Variants in DENND1A observed in about 807,000 individuals in gnomAD.
DENND1A encodes DENN domain-containing protein 1A.
A neutral mutation model predicts 113.7 loss-of-function variants in DENND1A; 51 were observed. That is an observed-to-expected ratio of 0.45 (90% CI 0.36 to 0.57). DENND1A has a LOEUF of 0.57. Among genes scored for constraint, DENND1A ranks in the 20% least tolerant of loss-of-function variants. The pLI is 0.00. For missense variants in DENND1A, 1,258 were observed against 1,395.9 expected (o/e 0.90, Z 1.57); for synonymous variants, 565 against 570.8 (o/e 0.99, Z 0.14).
At chr9:123,589,164 G>A (rs57594849) in intron 11 of DENND1A, among the ~76,000 whole-genome samples, 5,970 of 152,098 alleles carry the variant, frequency 0.039, 416 homozygotes, top group African/African-American at 0.14. Flanking sequence ...TACTAACTGC[G>A]ACAGAGTGCC....
intron 13 of DENND1A, among the ~76,000 whole-genome samples, chr9:123,476,900 G>A (rs2049960681): frequency 6.6e-6 from 1 of 152,192 alleles, no homozygotes; most frequent in Non-Finnish European, 1.5e-5. Flanking sequence ...GCCTGACCCA[G>A]ACGGTAGCAT....
At chr9:123,661,341 G>A (rs544129979) in intron 8 of DENND1A, among the ~76,000 whole-genome samples, 20 of 152,292 alleles carry the variant, frequency 1.3e-4, no homozygotes, top group African/African-American at 4.8e-4. Flanking sequence ...GTACAGTTGA[G>A]GACGGGCAAT....
rs374520974 is a variant in DENND1A, at chr9:123,875,661, T to G, written c.88+3290A>C. ...TTAGACCTAGGGATGTATACACCAGTAGCATAGTCCACTCCCAGGAGGACA... is the reference window on the plus strand; with the variant it reads ...TTAGACCTAGGGATGTATACACCAGGAGCATAGTCCACTCCCAGGAGGACA... On this transcript the variant is annotated intron_variant, in intron 2 of 23. Coordinates refer to ENST00000394215, the MANE Select transcript of DENND1A (RefSeq NM_001352964.2). Among the ~76,000 whole-genome samples the G allele has an allele frequency of 4.1e-4, 62 of 152,222 alleles. No homozygotes were observed. The East Asian group carries it at 0.011, about 27-fold the overall frequency.
chr9:123,647,748 T>C (rs570882137), intron 9 of DENND1A, among the ~76,000 whole-genome samples: 1 of 152,338 alleles, frequency 6.6e-6, no homozygotes, highest in East Asian at 1.9e-4. Context: ...TCATTTTCAT[T>C]GATCCGATCG....
intron 19 of DENND1A, among the ~76,000 whole-genome samples, chr9:123,420,327 A>G (rs896188373): frequency 6.6e-6 from 1 of 152,224 alleles, no homozygotes; most frequent in African/African-American, 2.4e-5. Context: ...GGTAGGACGC[A>G]GAGAGGTCGG....
At chr9:123,609,354 G>C (rs2060309752) in intron 11 of DENND1A, 82 bp downstream of exon 11, 2 of 1,487,820 alleles carry the variant, frequency 1.3e-6, no homozygotes, top group Non-Finnish European at 1.9e-6. Context: ...AGCTGTGACT[G>C]CTGAGACTGG....
chr9:123,652,754 G>A (rs1047289949), intron 8 of DENND1A, among the ~76,000 whole-genome samples: 4 of 152,108 alleles, frequency 2.6e-5, no homozygotes, highest in African/African-American at 9.7e-5. Flanking sequence ...CAATTTCCAG[G>A]TATTTCACTC....
intron 8 of DENND1A, chr9:123,652,360 C>T (rs2062704616): frequency 4.7e-6 from 2 of 424,886 alleles, no homozygotes; most frequent in East Asian, 4.3e-5. Flanking sequence ...GTGGTGATTA[C>T]AACATGAGGT....
At chr9:123,725,513 T>C (rs1010788699) in intron 5 of DENND1A, among the ~76,000 whole-genome samples, 2 of 152,138 alleles carry the variant, frequency 1.3e-5, no homozygotes, top group Non-Finnish European at 2.9e-5. Flanking sequence ...AGATGGAAAA[T>C]ATTAAGGAAA....
At chr9:123,567,928 T>C (rs957877111) in intron 12 of DENND1A, among the ~76,000 whole-genome samples, 2 of 152,206 alleles carry the variant, frequency 1.3e-5, no homozygotes, top group African/African-American at 4.8e-5. Context: ...AACAGTAGGT[T>C]GCTTGGGGCA....
At chr9:123,824,618 A>G (rs1195737444) in intron 2 of DENND1A, among the ~76,000 whole-genome samples, 1 of 152,192 alleles carries the variant, frequency 6.6e-6, no homozygotes. Flanking sequence ...AGATGTCAAA[A>G]TAGCTATTTT....
chr9:123,676,419 G>C (rs1366599164), intron 6 of DENND1A, among the ~76,000 whole-genome samples: 1 of 152,086 alleles, frequency 6.6e-6, no homozygotes, highest in African/African-American at 2.4e-5. Context: ...CGGGCTGCTT[G>C]GGAATATTAG....
intron 1 of DENND1A, among the ~76,000 whole-genome samples, chr9:123,905,573 C>G (rs1311375833): frequency 7.2e-6 from 1 of 139,052 alleles, no homozygotes; most frequent in Non-Finnish European, 1.6e-5. Flanking sequence ...TCTGATAAAA[C>G]AGACTTTAAA....
At chr9:123,653,309 C>T (rs1285377179) in intron 8 of DENND1A, among the ~76,000 whole-genome samples, 1 of 152,202 alleles carries the variant, frequency 6.6e-6, no homozygotes, top group Non-Finnish European at 1.5e-5. Flanking sequence ...GTGCCAGCCA[C>T]TGTACCAGAC....
chr9:123,748,272 C>T (rs2069697293), intron 5 of DENND1A, among the ~76,000 whole-genome samples: 1 of 152,208 alleles, frequency 6.6e-6, no homozygotes, highest in African/African-American at 2.4e-5. Context: ...CACCCTTAGT[C>T]ATTATCAGCA....
chr9:123,855,357 G>A (rs1844003331), intron 2 of DENND1A, among the ~76,000 whole-genome samples: 1 of 148,592 alleles, frequency 6.7e-6, no homozygotes, highest in Non-Finnish European at 1.5e-5. Flanking sequence ...AGAAAAAAAT[G>A]GAGGATTAGA....
intron 1 of DENND1A, among the ~76,000 whole-genome samples, chr9:123,908,755 G>C (rs1015988529): frequency 3.3e-5 from 5 of 151,992 alleles, no homozygotes; most frequent in African/African-American, 9.7e-5. Flanking sequence ...TGGTGGGACT[G>C]TAAACTAGTT....
At chr9:123,717,168 T>C (rs1023446204) in intron 5 of DENND1A, among the ~76,000 whole-genome samples, 13 of 152,074 alleles carry the variant, frequency 8.5e-5, no homozygotes, top group African/African-American at 2.7e-4. Flanking sequence ...GGTCAGATAG[T>C]TGGCAAGTGA....
chr9:123,858,625 A>G (rs1428792308), intron 2 of DENND1A, among the ~76,000 whole-genome samples: 1 of 152,076 alleles, frequency 6.6e-6, no homozygotes, highest in Non-Finnish European at 1.5e-5. Flanking sequence ...GTTAAATTCA[A>G]TTTGAGATGC....
Sources: allele counts gnomAD v4.1 joint callset (sites outside exome capture counted in the v4.1 genomes callset), GRCh38; gene constraint gnomAD v4.1.1; transcripts MANE v1.5; gene names NCBI Gene and HGNC (gene_info 2026-07-23, HGNC 2026-07-21).